Variants in FSD1L observed in about 807,000 individuals in gnomAD.
The protein encoded by FSD1L is fibronectin type III and SPRY domain containing 1 like, also known as FSD1-like protein.
Under a neutral mutation model 71.6 loss-of-function variants are expected in FSD1L, and 45 were observed. The ratio of observed to expected loss-of-function variants is 0.63; its 90% confidence interval spans 0.49 to 0.81. The LOEUF is 0.81. Ranked by LOEUF, FSD1L falls within the 30% of genes least tolerant of loss-of-function variation. The pLI, the probability that FSD1L is intolerant of heterozygous loss-of-function variation, is 0.00. For missense variants in FSD1L, 561 were observed against 618.1 expected (o/e 0.91, Z 0.98); for synonymous variants, 197 against 207.2 (o/e 0.95, Z 0.42).
intron 7 of FSD1L, chr9:105,500,670 G>A (rs894615714): frequency 3.3e-5 from 5 of 152,194 alleles, no homozygotes; most frequent in Non-Finnish European, 5.9e-5. Flanking sequence ...AACCTGGTAA[G>A]CTCCTGGAGG....
chr9:105,461,673 G>A (rs1034507201), intron 2 of FSD1L, 58 bp downstream of exon 2: 11 of 998,394 alleles, frequency 1.1e-5, no homozygotes, highest in Admixed American at 6.2e-5. Context: ...CAAAATTAGA[G>A]CATTTAGATG....
chr9:105,536,730 T>A (rs1042325232), intron 12 of FSD1L, among the ~76,000 whole-genome samples: 1 of 151,912 alleles, frequency 6.6e-6, no homozygotes, highest in Non-Finnish European at 1.5e-5. Context: ...CTGCCTCCCA[T>A]GTTCAAGCGA....
chr9:105,540,809 T>G (rs1836564191), intron 13 of FSD1L, among the ~76,000 whole-genome samples: 1 of 152,132 alleles, frequency 6.6e-6, no homozygotes, highest in Non-Finnish European at 1.5e-5. Flanking sequence ...GAAAAATTTG[T>G]TTCTCTGCAC....
At chr9:105,490,165 T>G (rs896091808) in intron 7 of FSD1L, among the ~76,000 whole-genome samples, 8 of 152,200 alleles carry the variant, frequency 5.3e-5, no homozygotes, top group African/African-American at 1.9e-4. Context: ...CTCCAGCACC[T>G]GTTGTTTCCT....
At chr9:105,507,598 A>T (rs1834130267) in intron 8 of FSD1L, among the ~76,000 whole-genome samples, 1 of 152,212 alleles carries the variant, frequency 6.6e-6, no homozygotes, top group African/African-American at 2.4e-5. Flanking sequence ...AGTAATCCAG[A>T]CTGTACTTCA....
chr9:105,460,228 A>G (rs770849247), intron 1 of FSD1L, among the ~76,000 whole-genome samples: 1 of 152,184 alleles, frequency 6.6e-6, no homozygotes, highest in Non-Finnish European at 1.5e-5. Context: ...TTAGGCCAAT[A>G]CAGTTGAAAA....
At chr9:105,535,928 T>G (rs1296733484) in intron 12 of FSD1L, among the ~76,000 whole-genome samples, 1 of 152,236 alleles carries the variant, frequency 6.6e-6, no homozygotes. Context: ...ATTTTCAAGT[T>G]GCTGTCTTTA....
chr9:105,467,796 A>G lies in FSD1L; in HGVS notation c.208-397A>G, dbSNP rs184197290. 2.1e-4 allele frequency among the ~76,000 whole-genome samples: 32 copies of G among 152,338 alleles called. 1 individual carries two copies. In the East Asian group the frequency reaches 6.2e-3, roughly 29 times the overall value. On this transcript the variant is annotated intron_variant, in intron 3 of 13. Transcript: ENST00000481272. ...TGAATTAAAATCTCTGGAATATTTT[A>G]TAAGAATACCTCACCAGTGATTCTG...
chr9:105,547,937 C>T lies in FSD1L; in HGVS notation c.*1454C>T, dbSNP rs906329572. The T allele has an allele frequency of 1.3e-5, 2 of 151,932 alleles. No individual in the cohort carries two copies. Among genetic ancestry groups the T allele is most frequent in the Non-Finnish European group, 2.9e-5 (2 of 67,938 alleles). The allele number at this position is 151,932 out of a possible 1,614,324, so 9.4% of individuals were successfully genotyped here. On this transcript the variant is annotated 3_prime_UTR_variant, in exon 14 of 14. Coordinates refer to ENST00000481272, the MANE Select transcript of FSD1L (RefSeq NM_001145313.3). Reference sequence around the variant, plus strand: ...GAGTGACCATTACTGCCTACATTTGCGTTGCTTTCTACATAGAGACTTGTA... The same window carrying T: ...GAGTGACCATTACTGCCTACATTTGTGTTGCTTTCTACATAGAGACTTGTA...
At chr9:105,460,387 C>T (rs561315723) in intron 1 of FSD1L, among the ~76,000 whole-genome samples, 182 of 151,930 alleles carry the variant, frequency 1.2e-3, no homozygotes, top group Middle Eastern at 3.4e-3. Flanking sequence ...GTCAGGAGTT[C>T]GAGACCAGCC....
chr9:105,504,166 A>G (rs1833925208), intron 7 of FSD1L, among the ~76,000 whole-genome samples: 1 of 152,246 alleles, frequency 6.6e-6, no homozygotes, highest in Non-Finnish European at 1.5e-5. Flanking sequence ...AGCAGAGCAT[A>G]TTAAATTCAT....
At chr9:105,482,893 T>C (rs1564100016) in intron 6 of FSD1L, among the ~76,000 whole-genome samples, 1 of 152,228 alleles carries the variant, frequency 6.6e-6, no homozygotes, top group Non-Finnish European at 1.5e-5. Context: ...CATTTAAATA[T>C]CTAGTCAGGT....
chr9:105,526,428 A>T (rs1768376736), intron 10 of FSD1L: 5 of 1,613,090 alleles, frequency 3.1e-6, no homozygotes, highest in Middle Eastern at 1.9e-4. Context: ...ACAGCAGCGC[A>T]GGTAGATGGG....
chr9:105,492,205 C>A (rs1229033737), intron 7 of FSD1L, among the ~76,000 whole-genome samples: 2 of 152,148 alleles, frequency 1.3e-5, no homozygotes, highest in Admixed American at 1.3e-4. Flanking sequence ...AGAGAATCAA[C>A]TTCTTCCTGG....
intron 10 of FSD1L, chr9:105,523,054 G>A: frequency 6.2e-7 from 1 of 1,614,176 alleles, no homozygotes; most frequent in Non-Finnish European, 8.5e-7. Context: ...GCCGACACTG[G>A]GGTTACGTCC....
chr9:105,478,277 G>A (rs891898989), intron 5 of FSD1L, among the ~76,000 whole-genome samples: 1 of 152,098 alleles, frequency 6.6e-6, no homozygotes, highest in Non-Finnish European at 1.5e-5. Flanking sequence ...GTGTTTTTGA[G>A]TAGAAAGAGT....
chr9:105,454,823 T>C (rs1227039935), intron 1 of FSD1L, among the ~76,000 whole-genome samples: 1 of 152,242 alleles, frequency 6.6e-6, no homozygotes, highest in Non-Finnish European at 1.5e-5. Context: ...TACTAGCATT[T>C]AGACTTTTTC....
At chr9:105,469,736 T>G in intron 4 of FSD1L, among the ~76,000 whole-genome samples, 1 of 151,948 alleles carries the variant, frequency 6.6e-6, no homozygotes, top group Admixed American at 6.6e-5. Context: ...GTAGGCTACT[T>G]TTTTACTCTG....
intron 10 of FSD1L, chr9:105,520,720 C>T (rs1311841230): frequency 5.6e-6 from 9 of 1,613,284 alleles, no homozygotes; most frequent in Non-Finnish European, 5.9e-6. Context: ...TGCTTAATCC[C>T]TGGATTTTCA....
Sources: allele counts gnomAD v4.1 joint callset (sites outside exome capture counted in the v4.1 genomes callset), GRCh38; gene constraint gnomAD v4.1.1; transcripts MANE v1.5; gene names NCBI Gene and HGNC (gene_info 2026-07-23, HGNC 2026-07-21).